Variants in PTPN7 observed in about 807,000 individuals in gnomAD.
PTPN7 encodes the protein tyrosine-protein phosphatase non-receptor type 7.
In PTPN7, 33 loss-of-function variants were observed where a neutral mutation model predicts 50.3. The observed-to-expected ratio is 0.66, with a 90% confidence interval of 0.50 to 0.88. PTPN7 has a LOEUF of 0.88. Among genes scored for constraint, PTPN7 ranks in the 40% least tolerant of loss-of-function variants. The probability of loss-of-function intolerance (pLI) is 0.00; values close to 1 mark genes in which losing one functional copy is unlikely to be tolerated. For missense variants in PTPN7, 412 were observed against 475.4 expected, an observed-to-expected ratio of 0.87 and a Z score of 1.24; for synonymous variants, 185 against 186.6, an observed-to-expected ratio of 0.99 and a Z score of 0.07.
chr1:202,149,651 A>C, intron 9 of PTPN7, among the ~76,000 whole-genome samples: 1 of 150,520 alleles, frequency 6.6e-6, no homozygotes, highest in African/African-American at 2.5e-5. Context: ...AGAAGAAAGA[A>C]AAAAAAAGAA....
chr1:202,158,348 G>T, intron 2 of PTPN7, 47 bp from the exon 3 acceptor site: 3 of 1,591,460 alleles, frequency 1.9e-6, no homozygotes, highest in East Asian at 2.2e-5. Context: ...AATCATATTT[G>T]CTTTTCTTTT....
At chr1:202,155,143 C>T (rs1378459971) in intron 5 of PTPN7, among the ~76,000 whole-genome samples, 1 of 152,114 alleles carries the variant, frequency 6.6e-6, no homozygotes, top group Non-Finnish European at 1.5e-5. Context: ...ATCTGAGGGG[C>T]AGTTAAGGTA....
Position 202,159,222 on chromosome 1 carries a change from G to A in PTPN7, c.122+59C>T, listed in dbSNP as rs544460393. ...GAGCTGGAGGGGCAGATGGAAGGAA[G>A]GGAGGAGCGGAATGGGGGCTCAGGG... On this transcript the variant is annotated intron_variant, in intron 2 of 9. Coordinates refer to ENST00000691036, the MANE Select transcript of PTPN7 (RefSeq NM_002832.4). The surrounding 1 kb of genome is among the most constrained non-coding windows in gnomAD (Gnocchi z 4.6). 788 of 1,537,636 alleles carry A rather than the reference G, an allele frequency of 5.1e-4. 1 individual carries two copies. The highest frequency in any genetic ancestry group is 6.5e-4 in the Non-Finnish European group (729 of 1,117,016).
At chr1:202,151,254 C>G (rs1028434597) in intron 8 of PTPN7, among the ~76,000 whole-genome samples, 1 of 152,218 alleles carries the variant, frequency 6.6e-6, no homozygotes, top group Admixed American at 6.5e-5. Flanking sequence ...TTACCCCACA[C>G]ACAACCTCTG....
rs939049301 is a variant in PTPN7, at chr1:202,152,840, C to T, written c.718-141G>A. On this transcript the variant is annotated intron_variant, in intron 7 of 9. Coordinates refer to ENST00000691036, the MANE Select transcript of PTPN7 (RefSeq NM_002832.4). ...TCAAAGCAAGCTAGGTTGCAATTTT[C>T]GTGCTCATTGTTCTCCACCACTTCC... is the stretch of plus-strand genomic sequence containing the variant. 39 of 941,058 alleles carry T rather than the reference C, an allele frequency of 4.1e-5. 1 individual carries two copies. The African/African-American group carries it at 5.6e-4, about 14-fold the overall frequency. 58.3% of individuals were successfully genotyped at this position (941,058 alleles called of 1,614,324 possible). A position where few individuals can be genotyped will look rare whatever the true frequency, so the allele number is the denominator to read the frequency against.
chr1:202,159,571 G>C lies in PTPN7; in HGVS notation c.-52-117C>G. On this transcript the variant is annotated intron_variant, in intron 1 of 9. Coordinates refer to ENST00000691036, the MANE Select transcript of PTPN7 (RefSeq NM_002832.4). This position sits in a 1 kb window ranked among gnomAD's most constrained non-coding sequence, Gnocchi z 4.6. Reference sequence around the variant, plus strand: ...CACTGGGGCGTCTTCTGTTCCCCAAGAGGTGGCCTCATTTTCACTAAGGGA... The same window carrying C: ...CACTGGGGCGTCTTCTGTTCCCCAACAGGTGGCCTCATTTTCACTAAGGGA... The C allele has an allele frequency of 6.7e-7, 1 of 1,496,050 alleles. No homozygotes were observed. Among genetic ancestry groups the C allele is most frequent in the Non-Finnish European group, 8.9e-7 (1 of 1,126,456 alleles). The allele number at this position is 1,496,050 out of a possible 1,614,324, so 92.7% of individuals were successfully genotyped here.
upstream of PTPN7, chr1:202,160,731 G>C (rs1657293254): frequency 1.9e-6 from 3 of 1,550,358 alleles, no homozygotes; most frequent in East Asian, 7.3e-5. This position sits in a 1 kb window ranked among gnomAD's most constrained non-coding sequence, Gnocchi z 4.8. Flanking sequence ...GGGGTCGGCT[G>C]CCTCCCGCCT....
rs765458530 is a variant in PTPN7, at chr1:202,158,184, G to A, written c.240C>T (p.His80=). 8.1e-6 allele frequency: 13 copies of A among 1,613,608 alleles called. No individual in the cohort carries two copies. The highest frequency in any genetic ancestry group is 5.0e-5 in the Admixed American group (3 of 59,938). The change falls in exon 3 of 10, where the codon CAC becomes CAT. Residue 80 remains histidine (H), a synonymous_variant. Transcript: ENST00000691036. ...VTLHFLRTAG[H]PLTRWALQRQ... ...GCTGAAGGGCCCAGCGGGTAAGGGGGTGTCCAGCAGTGCGCAGAAAGTGTA... is the reference window on the plus strand; with the variant it reads ...GCTGAAGGGCCCAGCGGGTAAGGGGATGTCCAGCAGTGCGCAGAAAGTGTA...
rs111924024 is a variant in PTPN7 at position 202,160,530 on chromosome 1, C to G, written c.-53+15G>C. The G allele has an allele frequency of 7.9e-4, 1,210 of 1,539,340 alleles. 11 individuals are homozygous for G. The African/African-American group carries it at 0.013, about 17-fold the overall frequency. On this transcript the variant is annotated intron_variant, in intron 1 of 9. Coordinates refer to ENST00000691036, the MANE Select transcript of PTPN7 (RefSeq NM_002832.4). The surrounding 1 kb of genome is among the most constrained non-coding windows in gnomAD (Gnocchi z 4.8). ...CGGGGCCACAGGACTCCCAGTCCCCCCTTCAGATACTTACTGAAGCAGCTG... is the reference window on the plus strand; with the variant it reads ...CGGGGCCACAGGACTCCCAGTCCCCGCTTCAGATACTTACTGAAGCAGCTG...
chr1:202,151,780 G>A (rs1248041289), intron 8 of PTPN7, among the ~76,000 whole-genome samples: 3 of 152,112 alleles, frequency 2.0e-5, no homozygotes, highest in African/African-American at 7.2e-5. Flanking sequence ...GCCTCCCAAA[G>A]TGCTGAGATT....
Position 202,148,348 on chromosome 1 carries a change from G to A in PTPN7, c.*258C>T, listed in dbSNP as rs913046264. 1.0e-4 allele frequency: 41 copies of A among 401,868 alleles called. No homozygotes were observed. Among genetic ancestry groups the A allele is most frequent in the African/African-American group, 8.1e-4 (40 of 49,086 alleles). The allele number at this position is 401,868 out of a possible 1,614,324, so 24.9% of individuals were successfully genotyped here. On this transcript the variant is annotated 3_prime_UTR_variant, in exon 10 of 10. Coordinates refer to ENST00000691036, the MANE Select transcript of PTPN7 (RefSeq NM_002832.4). ...ATGCCAGCTCCTGTCTTTAAGTTCA[G>A]AGAGACATTGGAGGTTCCCCTTACT...
intron 6 of PTPN7, 51 bp from the exon 7 acceptor site, chr1:202,153,886 C>T: frequency 6.9e-7 from 1 of 1,454,596 alleles, no homozygotes. Flanking sequence ...GAGCAGGTGA[C>T]AGGGCAGCAG....
chr1:202,160,849 T>C, upstream of PTPN7: 1 of 1,502,960 alleles, frequency 6.7e-7, no homozygotes, highest in Non-Finnish European at 8.9e-7. This position sits in a 1 kb window ranked among gnomAD's most constrained non-coding sequence, Gnocchi z 4.8. Flanking sequence ...CTCTTCTGTG[T>C]TTCTCCTCTG....
Position 202,159,197 on chromosome 1 carries a change from G to T in PTPN7, c.122+84C>A. The stretch of plus-strand genomic sequence containing the variant: ...GAGGGCCCTCTGGACCCTGCTGTCA[G>T]AGCTGGAGGGGCAGATGGAAGGAAG... On this transcript the variant is annotated intron_variant, in intron 2 of 9. Coordinates refer to ENST00000691036, the MANE Select transcript of PTPN7 (RefSeq NM_002832.4). The surrounding 1 kb of genome is among the most constrained non-coding windows in gnomAD (Gnocchi z 4.6). 1 of 1,402,898 alleles carries T rather than the reference G, an allele frequency of 7.1e-7. No individual in the cohort carries two copies. Among genetic ancestry groups the T allele is most frequent in the Non-Finnish European group, 1.0e-6 (1 of 1,001,688 alleles). 86.9% of individuals were successfully genotyped at this position (1,402,898 alleles called of 1,614,324 possible).
chr1:202,157,324 AC>A (rs1332487131), intron 4 of PTPN7, among the ~76,000 whole-genome samples: 1 of 152,204 alleles, frequency 6.6e-6, no homozygotes, highest in African/African-American at 2.4e-5. Context: ...AGCCTGACCA[AC>A]ATGGAGAAAC....
intron 5 of PTPN7, 117 bp downstream of exon 5, chr1:202,155,416 T>C: frequency 9.9e-7 from 1 of 1,012,510 alleles, no homozygotes; most frequent in Non-Finnish European, 1.5e-6. Context: ...AGCAGTGAGC[T>C]GGAGCAGGGA....
Position 202,157,805 on chromosome 1 carries a change from C to T in PTPN7, c.325G>A (p.Val109Ile). The T allele has an allele frequency of 6.2e-7, 1 of 1,614,130 alleles. No homozygotes were observed. Among genetic ancestry groups the T allele is most frequent in the East Asian group, 2.2e-5 (1 of 44,876 alleles). ...GGGATGTCCAGGTCTTCGGGGCTGACAAAGTTTGAAGGGATCTTCTGGCAG... is the reference window on the plus strand; with the variant it reads ...GGGATGTCCAGGTCTTCGGGGCTGATAAAGTTTGAAGGGATCTTCTGGCAG... Reference protein sequence around the residue: ...EEFLKIPSNFVSPEDLDIPGH... With the variant: ...EEFLKIPSNFISPEDLDIPGH... Residue 109 changes from valine (V) to isoleucine (I), a missense_variant, in exon 4 of 10, where the codon GTC (valine) becomes ATC (isoleucine). Physicochemically the swap from Val to Ile is conservative, Grantham distance 29 (BLOSUM62 3). Transcript: ENST00000691036.
Position 202,153,850 on chromosome 1 carries a change from G to C in PTPN7, c.607-15C>G. On this transcript the variant is annotated splice_polypyrimidine_tract_variant and intron_variant, in intron 6 of 9. Transcript: ENST00000691036. ...TGGACACATTTCTAGGAGGGAGGGAGCTGGGAGTCAGAAGAGGGTCAGCTG... is the reference window on the plus strand; with the variant it reads ...TGGACACATTTCTAGGAGGGAGGGACCTGGGAGTCAGAAGAGGGTCAGCTG... The C allele has an allele frequency of 3.2e-5, 51 of 1,593,810 alleles. No individual in the cohort carries two copies. The highest frequency in any genetic ancestry group is 4.1e-5 in the Non-Finnish European group (48 of 1,161,474).
intron 8 of PTPN7, among the ~76,000 whole-genome samples, chr1:202,151,541 G>C (rs1428964538): frequency 1.3e-5 from 2 of 151,898 alleles, no homozygotes; most frequent in African/African-American, 4.8e-5. Flanking sequence ...TTTTGAGACA[G>C]AGTTTTGCTC....
Sources: allele counts gnomAD v4.1 joint callset (sites outside exome capture counted in the v4.1 genomes callset), GRCh38; gene constraint gnomAD v4.1.1; non-coding constraint Gnocchi (gnomAD v3.1); transcripts MANE v1.5; gene names NCBI Gene and HGNC (gene_info 2026-07-23, HGNC 2026-07-21).